The following ZNF100 variants were observed in gnomAD, a reference collection of about 807,000 sequenced individuals.
ZNF100 encodes the protein zinc finger protein 100.
In ZNF100, 12 loss-of-function variants were observed where a neutral mutation model predicts 15.8. That is an observed-to-expected ratio of 0.76 (90% CI 0.49 to 1.23). The LOEUF (loss-of-function observed/expected upper bound fraction) is 1.23, where lower values mean the gene tolerates loss of function less well. ZNF100 is among the 50% of genes most tolerant of loss of function. The pLI, the probability that ZNF100 is intolerant of heterozygous loss-of-function variation, is 0.00. For missense variants in ZNF100, 670 were observed against 635.6 expected, an observed-to-expected ratio of 1.05 and a Z score of -0.58; for synonymous variants, 226 against 214.8, an observed-to-expected ratio of 1.05 and a Z score of -0.45.
Position 21,727,939 on chromosome 19 carries a change from C to T in ZNF100, c.373G>A (p.Asp125Asn). The T allele has an allele frequency of 6.3e-7, 1 of 1,581,242 alleles. No individual in the cohort carries two copies. The change falls in exon 5 of 5, where the codon GAT becomes AAT. Residue 125 changes from aspartate to asparagine, a missense_variant. Coordinates refer to ENST00000358296, the MANE Select transcript of ZNF100 (RefSeq NM_173531.4). Reference sequence around the variant, plus strand: ...TTCAGAATCGCTTCTTGAAAAGAATCTTTAATGTCCTGCTCTGCCCAAAGG... The same window carrying T: ...TTCAGAATCGCTTCTTGAAAAGAATTTTTAATGTCCTGCTCTGCCCAAAGG... The part of the protein sequence containing the change: ...QDLWAEQDIK[D>N]SFQEAILKKY...
intron 2 of ZNF100, among the ~76,000 whole-genome samples, chr19:21,760,362 G>T (rs2036462347): frequency 6.6e-6 from 1 of 151,916 alleles, no homozygotes; most frequent in Non-Finnish European, 1.5e-5. Flanking sequence ...GCATGTGATG[G>T]CAGGTGCCTG....
intron 4 of ZNF100, among the ~76,000 whole-genome samples, chr19:21,732,165 C>A (rs1048390997): frequency 2.7e-5 from 4 of 150,828 alleles, no homozygotes; most frequent in Non-Finnish European, 5.9e-5. Flanking sequence ...AGCGAGACTC[C>A]GTCTCAAAAA....
chr19:21,752,111 A>C, intron 2 of ZNF100: 1 of 181,300 alleles, frequency 5.5e-6, no homozygotes, highest in Non-Finnish European at 1.1e-5. Context: ...GCAACAAAAC[A>C]CTCTTCTGTC....
rs764789895 is a variant in ZNF100 at position 21,745,065 on chromosome 19, C to A, written c.99G>T (p.Gly33=). The change falls in exon 3 of 5, where the codon GGG becomes GGT. Residue 33 remains glycine (G), a splice_region_variant and synonymous_variant. Coordinates refer to ENST00000358296, the MANE Select transcript of ZNF100 (RefSeq NM_173531.4). ...TGGCCACATCCCTAAACGTCAATGG[C>A]CCCTGAAAAGCACAAGCACAGAGAC... ...SLLVQSYFEK[G]PLTFRDVAIE... The A allele has an allele frequency of 6.2e-6, 10 of 1,609,910 alleles. No individual in the cohort carries two copies. Among genetic ancestry groups the A allele is most frequent in the Non-Finnish European group, 8.5e-6 (10 of 1,178,932 alleles).
intron 2 of ZNF100, among the ~76,000 whole-genome samples, chr19:21,758,960 TTTC>T: frequency 6.6e-6 from 1 of 152,326 alleles, no homozygotes; most frequent in South Asian, 2.1e-4. Flanking sequence ...CCATGATATC[TTTC>T]TTCTACCACC....
chr19:21,765,885 C>G (rs1419863463), intron 1 of ZNF100, 99 bp from the exon 2 acceptor site: 3 of 1,226,626 alleles, frequency 2.4e-6, no homozygotes, highest in Non-Finnish European at 3.5e-6. Context: ...GTACTGAAAC[C>G]CAGGACCAGG....
In ZNF100 at chr19:21,765,571, G is replaced by A. The variant is rs1194717514; in HGVS notation, c.96+123C>T. On this transcript the variant is annotated intron_variant, in intron 2 of 4. Transcript: ENST00000358296. ...TTTTCTGCCCCCCTTAGATGATCCA[G>A]GGAGCAGAAATTATTTTTGTGTTTC... is the stretch of plus-strand genomic sequence containing the variant. The A allele has an allele frequency of 6.0e-6, 5 of 830,772 alleles. No individual in the cohort carries two copies. In the African/African-American group the frequency reaches 6.8e-5, roughly 11 times the overall value. 51.5% of individuals were successfully genotyped at this position (830,772 alleles called of 1,614,324 possible).
chr19:21,765,814 A>C (rs778956337), intron 1 of ZNF100, 28 bp from the exon 2 acceptor site: 2 of 1,593,836 alleles, frequency 1.3e-6, no homozygotes, highest in South Asian at 2.2e-5. Context: ...CCAGAAGCTG[A>C]CATTCACTAG....
intron 4 of ZNF100, among the ~76,000 whole-genome samples, chr19:21,737,022 A>G (rs2036018576): frequency 6.6e-6 from 1 of 152,106 alleles, no homozygotes; most frequent in African/African-American, 2.4e-5. Flanking sequence ...AAGCCAGCAG[A>G]AGACAAAAAA....
chr19:21,726,733 T>A lies in ZNF100; in HGVS notation c.1579A>T (p.Ser527Cys). ...TATGAGTTATTTTGTTTAATAAGGCTTAGGGACTGGTTAAAGTCTTTACCA... is the reference window on the plus strand; with the variant it reads ...TATGAGTTATTTTGTTTAATAAGGCATAGGGACTGGTTAAAGTCTTTACCA... ...ECGKDFNQSLSLIKQNNSYWR... is the reference protein window; with the variant it reads ...ECGKDFNQSLCLIKQNNSYWR... The change falls in exon 5 of 5, where the codon AGC (serine) becomes TGC (cysteine). Residue 527 changes from serine (S) to cysteine (C), a missense_variant. By Grantham distance (112) the Ser-to-Cys change is moderately radical. Coordinates refer to ENST00000358296, the MANE Select transcript of ZNF100 (RefSeq NM_173531.4). 1 of 1,611,808 alleles carries A rather than the reference T, an allele frequency of 6.2e-7. No homozygotes were observed. Among genetic ancestry groups the A allele is most frequent in the South Asian group, 1.1e-5 (1 of 90,826 alleles).
Position 21,725,781 on chromosome 19 carries a change from T to A in ZNF100, c.*902A>T, listed in dbSNP as rs1404196941. 6.6e-6 allele frequency: 1 copy of A among 151,878 alleles called. No individual in the cohort carries two copies. Among genetic ancestry groups the A allele is most frequent in the East Asian group, 1.9e-4 (1 of 5,206 alleles). The allele number at this position is 151,878 out of a possible 1,614,324, so 9.4% of individuals were successfully genotyped here. Reference sequence around the variant, plus strand: ...ATATTTTACCAATTTTAGTTTTAGATTATTTTCTATACTCAGCACTCTGAT... The same window carrying A: ...ATATTTTACCAATTTTAGTTTTAGAATATTTTCTATACTCAGCACTCTGAT... On this transcript the variant is annotated 3_prime_UTR_variant, in exon 5 of 5. Transcript: ENST00000358296.
intron 2 of ZNF100, among the ~76,000 whole-genome samples, chr19:21,760,994 G>A (rs565662482): frequency 7.2e-5 from 11 of 151,810 alleles, no homozygotes; most frequent in Non-Finnish European, 1.6e-4. Flanking sequence ...TCCTGACTTC[G>A]TGATCTGCCC....
Position 21,726,982 on chromosome 19 carries a change from G to A in ZNF100, c.1330C>T (p.Leu444Phe), listed in dbSNP as rs1322645976. The A allele has an allele frequency of 2.5e-6, 4 of 1,613,102 alleles. No individual in the cohort carries two copies. The highest frequency in any genetic ancestry group is 3.4e-6 in the Non-Finnish European group (4 of 1,179,570). The change falls in exon 5 of 5, where the codon CTT becomes TTT. Residue 444 changes from leucine to phenylalanine, a missense_variant. Transcript: ENST00000358296. ...CGKAFNESSN[L>F]TTHKMIHTGE... ...GTATGAATCATCTTATGGGTAGTAA[G>A]GTTTGAGGACTCATTAAAAGCTTTG... is the stretch of plus-strand genomic sequence containing the variant.
At chr19:21,755,005 C>G (rs933015950) in intron 2 of ZNF100, among the ~76,000 whole-genome samples, 4 of 152,200 alleles carry the variant, frequency 2.6e-5, no homozygotes, top group Admixed American at 6.5e-5. Flanking sequence ...CAAAAGAAGA[C>G]ATTTATGTGG....
At chr19:21,758,746 G>GTA (rs1477126246) in intron 2 of ZNF100, among the ~76,000 whole-genome samples, 1 of 152,196 alleles carries the variant, frequency 6.6e-6, no homozygotes, top group African/African-American at 2.4e-5. Context: ...TGTCTAGTGG[G>GTA]TATGTTTGTG....
At chr19:21,728,435 T>C (rs1278427801) in intron 4 of ZNF100, among the ~76,000 whole-genome samples, 1 of 152,144 alleles carries the variant, frequency 6.6e-6, no homozygotes, top group East Asian at 1.9e-4. Context: ...TGGTATACTT[T>C]GGAGTGACAG....
Position 21,745,070 on chromosome 19 carries a change from G to A in ZNF100, c.97-3C>T. The A allele has an allele frequency of 3.1e-6, 5 of 1,599,040 alleles. No homozygotes were observed. Among genetic ancestry groups the A allele is most frequent in the Non-Finnish European group, 4.3e-6 (5 of 1,170,456 alleles). ...ACATCCCTAAACGTCAATGGCCCCT[G>A]AAAAGCACAAGCACAGAGACACACA... On this transcript the variant is annotated splice_region_variant and splice_polypyrimidine_tract_variant and intron_variant, in intron 2 of 4. Coordinates refer to ENST00000358296, the MANE Select transcript of ZNF100 (RefSeq NM_173531.4).
intron 4 of ZNF100, among the ~76,000 whole-genome samples, chr19:21,730,844 CAATT>C (rs980716057): frequency 6.6e-6 from 1 of 151,106 alleles, no homozygotes; most frequent in Non-Finnish European, 1.5e-5. Flanking sequence ...AATAGAAAAA[CAATT>C]AAACATTTAC....
chr19:21,729,774 AATC>A (rs1232643631), intron 4 of ZNF100, among the ~76,000 whole-genome samples: 1 of 151,928 alleles, frequency 6.6e-6, no homozygotes, highest in African/African-American at 2.4e-5. Flanking sequence ...AAATCAGAGA[AATC>A]ATTATAAACA....
Sources: gnomAD v4.1 joint callset for allele counts (sites outside exome capture counted in the v4.1 genomes callset) on GRCh38, gnomAD v4.1.1 for gene constraint, MANE v1.5 for transcripts, NCBI Gene and HGNC (gene_info 2026-07-23, HGNC 2026-07-21) for gene names.